Variants in MYO3B observed in about 807,000 individuals in gnomAD.
MYO3B encodes the protein myosin IIIB, also known as myosin-IIIb.
In MYO3B, 156 loss-of-function variants were observed where a neutral mutation model predicts 174.6. That is an observed-to-expected ratio of 0.89 (90% CI 0.78 to 1.02). The LOEUF (loss-of-function observed/expected upper bound fraction) is 1.02. Among genes scored for constraint, MYO3B ranks in the 50% least tolerant of loss-of-function variants. The pLI is 0.00. For synonymous variants in MYO3B, 563 were observed against 569.1 expected, an observed-to-expected ratio of 0.99 and a Z score of 0.15; for missense variants, 1,632 against 1,639.4, an observed-to-expected ratio of 1.00 and a Z score of 0.08.
chr2:170,508,320 T>C (rs906241865), intron 28 of MYO3B, among the ~76,000 whole-genome samples: 3 of 152,220 alleles, frequency 2.0e-5, no homozygotes, highest in African/African-American at 7.2e-5. Context: ...ACACTTGAGT[T>C]GCCTTTACTC....
At chr2:170,651,827 C>A in intron 33 of MYO3B, 93 bp downstream of exon 33, 1 of 748,750 alleles carries the variant, frequency 1.3e-6, no homozygotes, top group Non-Finnish European at 2.2e-6. Context: ...TGCAGCCCCA[C>A]CCCCACCCTC....
intron 28 of MYO3B, among the ~76,000 whole-genome samples, chr2:170,510,398 C>G (rs1687904056): frequency 6.6e-6 from 1 of 152,014 alleles, no homozygotes; most frequent in Non-Finnish European, 1.5e-5. Flanking sequence ...AGAAAAAGAA[C>G]AAGGAGACAC....
chr2:170,499,538 A>T, intron 26 of MYO3B, 108 bp from the exon 27 acceptor site: 2 of 942,022 alleles, frequency 2.1e-6, no homozygotes, highest in Non-Finnish European at 1.6e-6. Context: ...ATCGCTATAA[A>T]CTTTATTTAT....
intron 5 of MYO3B, among the ~76,000 whole-genome samples, chr2:170,216,250 A>C (rs909694039): frequency 2.0e-5 from 3 of 152,130 alleles, no homozygotes; most frequent in Admixed American, 6.5e-5. Context: ...ATTAGTGGCA[A>C]CCCTTGTCAT....
chr2:170,184,347 T>G (rs12464588), intron 1 of MYO3B, among the ~76,000 whole-genome samples: 64,870 of 151,818 alleles, frequency 0.43, 15,110 homozygotes, highest in East Asian at 0.56. Context: ...ACCACTACCC[T>G]TCCCAGCCTC....
chr2:170,615,257 T>C (rs1042548955), intron 32 of MYO3B, among the ~76,000 whole-genome samples: 2 of 152,184 alleles, frequency 1.3e-5, no homozygotes, highest in African/African-American at 4.8e-5. Flanking sequence ...AACCCACTTC[T>C]AGGCACTGAA....
At chr2:170,220,925 T>C (rs973198636) in intron 6 of MYO3B, among the ~76,000 whole-genome samples, 3 of 152,210 alleles carry the variant, frequency 2.0e-5, no homozygotes, top group African/African-American at 7.2e-5. Context: ...AGGCCTGCAC[T>C]ATTCTCACAT....
intron 6 of MYO3B, among the ~76,000 whole-genome samples, chr2:170,221,746 TTTAAAAGATGGGG>T (rs1033141098): frequency 1.2e-3 from 159 of 130,092 alleles, no homozygotes; most frequent in African/African-American, 3.8e-3. Context: ...AGAATTTTTT[TTTAAAAGATGGGG>T]TCTTACCATG....
chr2:170,271,338 G>T (rs1004627183), intron 7 of MYO3B, among the ~76,000 whole-genome samples: 2 of 152,110 alleles, frequency 1.3e-5, no homozygotes, highest in Admixed American at 6.5e-5. Flanking sequence ...AATCTTATAG[G>T]TAGCTCATAC....
chr2:170,423,738 A>G (rs2094637649), intron 22 of MYO3B, among the ~76,000 whole-genome samples: 1 of 151,824 alleles, frequency 6.6e-6, no homozygotes, highest in Non-Finnish European at 1.5e-5. Context: ...GCACCACCAC[A>G]CCCAGCTAAT....
intron 7 of MYO3B, among the ~76,000 whole-genome samples, chr2:170,323,525 T>G (rs2093843994): frequency 6.6e-6 from 1 of 152,200 alleles, no homozygotes. Flanking sequence ...GGTGTCTCAT[T>G]AATCAAGAAT....
intron 7 of MYO3B, among the ~76,000 whole-genome samples, chr2:170,262,600 G>A (rs929354763): frequency 2.0e-5 from 3 of 152,140 alleles, no homozygotes; most frequent in African/African-American, 7.2e-5. Flanking sequence ...GTTGGTGACT[G>A]GTTGTGTGAC....
intron 25 of MYO3B, among the ~76,000 whole-genome samples, chr2:170,468,119 A>G (rs1162279907): frequency 6.6e-6 from 1 of 152,242 alleles, no homozygotes; most frequent in African/African-American, 2.4e-5. Context: ...ATCTGAGGAT[A>G]TCAAAGATTT....
intron 32 of MYO3B, among the ~76,000 whole-genome samples, chr2:170,628,690 T>C (rs1696680229): frequency 6.6e-6 from 1 of 151,446 alleles, no homozygotes. Context: ...TCTTATATTC[T>C]TATAAATCAA....
chr2:170,378,412 C>T (rs1001780887), intron 9 of MYO3B, among the ~76,000 whole-genome samples: 1 of 152,190 alleles, frequency 6.6e-6, no homozygotes, highest in Middle Eastern at 3.2e-3. Context: ...AGATTGCCTA[C>T]TTCACTTTTA....
At chr2:170,516,233 T>C (rs1688298416) in intron 29 of MYO3B, among the ~76,000 whole-genome samples, 1 of 152,110 alleles carries the variant, frequency 6.6e-6, no homozygotes, top group African/African-American at 2.4e-5. Context: ...TTCACACATT[T>C]ATATTTCTTC....
intron 7 of MYO3B, among the ~76,000 whole-genome samples, chr2:170,327,310 A>G (rs935113390): frequency 6.6e-6 from 1 of 152,232 alleles, no homozygotes; most frequent in African/African-American, 2.4e-5. Flanking sequence ...GCTTGAACCC[A>G]GGAGATGGAG....
At chr2:170,612,500 A>G (rs1695185135) in intron 32 of MYO3B, among the ~76,000 whole-genome samples, 1 of 152,032 alleles carries the variant, frequency 6.6e-6, no homozygotes, top group Admixed American at 6.5e-5. Flanking sequence ...TAAACTCCAT[A>G]AGGGCAGAGA....
At chr2:170,341,551 G>T (rs1474272885) in intron 8 of MYO3B, 1 of 152,156 alleles carries the variant, frequency 6.6e-6, no homozygotes, top group Non-Finnish European at 1.5e-5. Flanking sequence ...TTTAGGCAGT[G>T]ATTAGCTATT....
Sources: gnomAD v4.1 joint callset for allele counts (sites outside exome capture counted in the v4.1 genomes callset) on GRCh38, gnomAD v4.1.1 for gene constraint, MANE v1.5 for transcripts, NCBI Gene and HGNC (gene_info 2026-07-23, HGNC 2026-07-21) for gene names.